Variants in INO80D observed in about 807,000 individuals in gnomAD.
INO80D encodes INO80 complex subunit D.
In INO80D, 21 loss-of-function variants were observed where a neutral mutation model predicts 87.6. The ratio of observed to expected loss-of-function variants is 0.24; its 90% CI spans 0.17 to 0.35. The LOEUF (loss-of-function observed/expected upper bound fraction) is 0.35, where lower values mean the gene tolerates loss of function less well. INO80D is among the 10% of genes least tolerant of loss of function. The pLI, the probability that INO80D is intolerant of heterozygous loss-of-function variation, is 1.00. For synonymous variants in INO80D, 440 were observed against 491.0 expected, an observed-to-expected ratio of 0.90 and a Z score of 1.37; for missense variants, 982 against 1,280.7, an observed-to-expected ratio of 0.77 and a Z score of 3.56.
chr2:206,056,561 A>T lies in INO80D; in HGVS notation c.601T>A (p.Ser201Thr). 6.2e-7 allele frequency: 1 copy of T among 1,612,668 alleles called. No individual in the cohort carries two copies. The highest frequency in any genetic ancestry group is 8.5e-7 in the Non-Finnish European group (1 of 1,179,334). ...TGCTGCTGCGGAGGCTGCTGCTGTG[A>T]AGGTGCAGGAGGGGGACTAAAGTGC... ...QEHFSPPPAP[S>T]QQQPPQQHSH... Residue 201 changes from serine (S) to threonine (T), a missense_variant, in exon 4 of 11, where the codon TCA (serine) becomes ACA (threonine). Coordinates refer to ENST00000403263, the MANE Select transcript of INO80D (RefSeq NM_017759.5).
At position 206,002,873 on chromosome 2, in the gene INO80D, G is replaced by A. The variant is rs1687929785; in HGVS notation, c.*1495C>T. The A allele has an allele frequency of 6.6e-6, 1 of 152,028 alleles. No homozygotes were observed. The highest frequency in any genetic ancestry group is 1.5e-5 in the Non-Finnish European group (1 of 68,008). The allele number at this position is 152,028 out of a possible 1,614,324, so 9.4% of individuals were successfully genotyped here. A position where few individuals can be genotyped will look rare whatever the true frequency, so the allele number is the denominator to read the frequency against. On this transcript the variant is annotated 3_prime_UTR_variant, in exon 11 of 11. Coordinates refer to ENST00000403263, the MANE Select transcript of INO80D (RefSeq NM_017759.5). ...TAGACTCAGGTATAAATAGCCAATG[G>A]TATCTCAAGGGACAGTGAAACTACT...
At chr2:206,044,481 TA>T (rs55925923) in intron 5 of INO80D, among the ~76,000 whole-genome samples, 7,497 of 112,456 alleles carry the variant, frequency 0.067, 252 homozygotes, top group African/African-American at 0.11. Context: ...AAATACCTGT[TA>T]AAAAAAAAAA....
chr2:206,046,757 A>C, intron 4 of INO80D, 145 bp from the exon 5 acceptor site: 43 of 573,578 alleles, frequency 7.5e-5, no homozygotes, highest in East Asian at 1.7e-4. Context: ...GATGAATCTC[A>C]TTTCTATTCT....
chr2:206,078,895 C>G lies in INO80D; in HGVS notation c.-124+7006G>C, dbSNP rs181505093. Among the ~76,000 whole-genome samples, 67 of 152,138 alleles carry G rather than the reference C, an allele frequency of 4.4e-4. No homozygotes were observed. In the East Asian group the frequency reaches 0.01, roughly 23 times the overall value. ...GAGGCAGAGATTGCAGTGAGCCAATCGCACCACTGCACTCTAGGCTGGGCA... is the reference window on the plus strand; with the variant it reads ...GAGGCAGAGATTGCAGTGAGCCAATGGCACCACTGCACTCTAGGCTGGGCA... On this transcript the variant is annotated intron_variant, in intron 1 of 10. Transcript: ENST00000403263.
At chr2:206,037,608 G>A (rs1474296725) in intron 5 of INO80D, among the ~76,000 whole-genome samples, 1 of 152,094 alleles carries the variant, frequency 6.6e-6, no homozygotes, top group Non-Finnish European at 1.5e-5. Flanking sequence ...TCATTAAAAA[G>A]ACACTGTTGG....
At chr2:206,073,715 G>A (rs1267050686) in intron 1 of INO80D, among the ~76,000 whole-genome samples, 15 of 151,812 alleles carry the variant, frequency 9.9e-5, no homozygotes, top group Admixed American at 4.6e-4. Context: ...GGGTTTCACC[G>A]TGTTGCCCAG....
At chr2:206,012,861 T>A (rs1438944140) in intron 8 of INO80D, among the ~76,000 whole-genome samples, 1 of 136,908 alleles carries the variant, frequency 7.3e-6, no homozygotes, top group African/African-American at 2.7e-5. Flanking sequence ...AAAGAGAGAC[T>A]TGTCTCAAAA....
intron 1 of INO80D, among the ~76,000 whole-genome samples, chr2:206,075,931 A>G (rs1294133275): frequency 3.3e-5 from 5 of 151,794 alleles, no homozygotes; most frequent in African/African-American, 4.8e-5. Context: ...GCACACCTGT[A>G]ATCCCAGGTA....
At chr2:206,050,589 G>A (rs561259027) in intron 4 of INO80D, among the ~76,000 whole-genome samples, 6 of 145,580 alleles carry the variant, frequency 4.1e-5, no homozygotes, top group Non-Finnish European at 4.5e-5. Context: ...AAAATTATCA[G>A]CATCCAGAAA....
At chr2:206,017,922 A>G (rs1688361884) in intron 7 of INO80D, 109 bp from the exon 8 acceptor site, 1 of 887,784 alleles carries the variant, frequency 1.1e-6, no homozygotes, top group Admixed American at 3.0e-5. Context: ...TTTATTATCC[A>G]TAATATAAAT....
chr2:206,068,037 CAATT>C (rs1005474071), intron 1 of INO80D, among the ~76,000 whole-genome samples: 1 of 152,128 alleles, frequency 6.6e-6, no homozygotes, highest in Non-Finnish European at 1.5e-5. Flanking sequence ...TTGAATTTAT[CAATT>C]GAGTCTTTGC....
intron 1 of INO80D, among the ~76,000 whole-genome samples, chr2:206,065,802 T>C (rs1689800505): frequency 6.6e-6 from 1 of 152,170 alleles, no homozygotes; most frequent in Admixed American, 6.5e-5. Flanking sequence ...TGAACATCAC[T>C]AATCGTCAGG....
rs867901847 is a variant in INO80D, at chr2:206,047,975, C to G, written c.965-1363G>C. ...ACGCCATTCTCCTGCCTCAGCCTCC[C>G]GAGTAGCTGGGACTACAGGCACCCG... On this transcript the variant is annotated intron_variant, in intron 4 of 10. Transcript: ENST00000403263. Among the ~76,000 whole-genome samples, 3 of 151,726 alleles carry G rather than the reference C, an allele frequency of 2.0e-5. No homozygotes were observed. In the East Asian group the frequency reaches 5.8e-4, roughly 30 times the overall value.
At position 206,080,346 on chromosome 2, in the gene INO80D, G is replaced by A. The variant is rs202098053; in HGVS notation, c.-124+5555C>T. ...AAAACACTTCAAAACCTGAAAGAGC[G>A]GAACGAGGAGTAAAGCAAACCCACC... On this transcript the variant is annotated intron_variant, in intron 1 of 10. Transcript: ENST00000403263. Among the ~76,000 whole-genome samples the A allele has an allele frequency of 7.9e-5, 12 of 152,056 alleles. No homozygotes were observed. In the East Asian group the frequency reaches 1.3e-3, roughly 17 times the overall value.
At position 206,028,117 on chromosome 2, in the gene INO80D, C is replaced by A; in HGVS notation, c.1292G>T (p.Arg431Leu). ...IQELRRAACS[R>L]TSISRTKLRE... ...AGGTTGCTGTGGCTCTAACCTGGTTCGACTGCATGCAGCTCTCCGCAGTTC... is the reference window on the plus strand; with the variant it reads ...AGGTTGCTGTGGCTCTAACCTGGTTAGACTGCATGCAGCTCTCCGCAGTTC... The change falls in exon 6 of 11, where the codon CGA (arginine) becomes CTA (leucine). Residue 431 changes from arginine (R) to leucine (L), a missense_variant. Coordinates refer to ENST00000403263, the MANE Select transcript of INO80D (RefSeq NM_017759.5). 6.5e-7 allele frequency: 1 copy of A among 1,536,958 alleles called. No homozygotes were observed. The highest frequency in any genetic ancestry group is 1.2e-5 in the South Asian group (1 of 83,508).
At chr2:206,077,511 T>C (rs898465048) in intron 1 of INO80D, among the ~76,000 whole-genome samples, 13 of 152,316 alleles carry the variant, frequency 8.5e-5, no homozygotes, top group African/African-American at 2.2e-4. Context: ...CTACATTCTA[T>C]AGAGCACTTA....
chr2:206,084,624 T>G (rs1234283282), intron 1 of INO80D: 2 of 152,322 alleles, frequency 1.3e-5, no homozygotes, highest in South Asian at 2.1e-4. Context: ...TGGGGACTGC[T>G]CCAGAAACCC....
Position 206,046,505 on chromosome 2 carries a change from C to T in INO80D, c.1072G>A (p.Ala358Thr), listed in dbSNP as rs774297499. Residue 358 changes from alanine (A) to threonine (T), a missense_variant and splice_region_variant, in exon 5 of 11, where the codon GCG (alanine) becomes ACG (threonine). By Grantham distance (58) the Ala-to-Thr change is moderately conservative. Transcript: ENST00000403263. ...IRETLRYQRH[A>T]SDDDDAESRS... ...ATAAAAACAGAACAGAAGACTTACG[C>T]ATGTCTTTGATATCTGAGGGTTTCC... 5.1e-6 allele frequency: 8 copies of T among 1,580,956 alleles called. No homozygotes were observed. Among genetic ancestry groups the T allele is most frequent in the Admixed American group, 3.3e-5 (2 of 59,952 alleles).
At chr2:206,015,870 G>A (rs1245239568) in intron 8 of INO80D, among the ~76,000 whole-genome samples, 2 of 152,058 alleles carry the variant, frequency 1.3e-5, no homozygotes, top group African/African-American at 2.4e-5. Flanking sequence ...CTGGGTGACA[G>A]AGTGAGACTC....
Sources: allele counts gnomAD v4.1 joint callset (sites outside exome capture counted in the v4.1 genomes callset), GRCh38; gene constraint gnomAD v4.1.1; transcripts MANE v1.5; gene names NCBI Gene and HGNC (gene_info 2026-07-23, HGNC 2026-07-21).